The following DLC1 variants were observed in gnomAD, a reference collection of about 807,000 sequenced individuals.
The protein encoded by DLC1 is rho GTPase-activating protein 7.
DLC1 carries 54 observed loss-of-function variants against 140.3 expected under a neutral mutation model. The observed-to-expected ratio is 0.38, with a 90% CI of 0.31 to 0.48. The LOEUF is 0.48. Among genes scored for constraint, DLC1 ranks in the 20% least tolerant of loss-of-function variants. The pLI is 0.96. For synonymous variants in DLC1, 986 were observed against 728.1 expected, an observed-to-expected ratio of 1.35 and a Z score of -5.70; for missense variants, 2,536 against 1,907.0, an observed-to-expected ratio of 1.33 and a Z score of -6.14.
chr8:13,405,911 CTTTTCT>C (rs1412806096), intron 2 of DLC1, among the ~76,000 whole-genome samples: 5 of 69,624 alleles, frequency 7.2e-5, no homozygotes, highest in African/African-American at 2.2e-4. Context: ...TTCTTTCTTT[CTTTTCT>C]TTTCTTTCTT....
intron 5 of DLC1, among the ~76,000 whole-genome samples, chr8:13,287,352 T>G (rs1443792531): frequency 2.0e-5 from 3 of 152,218 alleles, no homozygotes; most frequent in African/African-American, 7.2e-5. Flanking sequence ...TAAAAAAATC[T>G]TTGGCTTCTA....
intron 5 of DLC1, among the ~76,000 whole-genome samples, chr8:13,170,128 A>G (rs1362917871): frequency 1.3e-5 from 2 of 152,242 alleles, no homozygotes; most frequent in Non-Finnish European, 2.9e-5. Flanking sequence ...TTTATTTAGC[A>G]TATAATTTTT....
chr8:13,235,977 G>C (rs897923312), intron 5 of DLC1, among the ~76,000 whole-genome samples: 1 of 60,360 alleles, frequency 1.7e-5, no homozygotes, highest in Non-Finnish European at 3.4e-5. Context: ...AGAAGGCAAA[G>C]TGAAATTTAA....
intron 1 of DLC1, among the ~76,000 whole-genome samples, chr8:13,502,887 A>G (rs1801884609): frequency 6.6e-6 from 1 of 152,176 alleles, no homozygotes; most frequent in Non-Finnish European, 1.5e-5. Flanking sequence ...GTGAATTTCC[A>G]TGGGGATTTT....
chr8:13,392,767 T>G (rs1836820802), intron 4 of DLC1, among the ~76,000 whole-genome samples: 1 of 152,180 alleles, frequency 6.6e-6, no homozygotes, highest in Non-Finnish European at 1.5e-5. Context: ...ATTCACAATC[T>G]ACACATGAAG....
At chr8:13,181,699 G>A (rs1368481743) in intron 5 of DLC1, among the ~76,000 whole-genome samples, 1 of 151,846 alleles carries the variant, frequency 6.6e-6, no homozygotes, top group Non-Finnish European at 1.5e-5. Context: ...GTATTCCATG[G>A]TATATATGTG....
At chr8:13,196,705 G>A (rs1827080523) in intron 5 of DLC1, among the ~76,000 whole-genome samples, 1 of 152,066 alleles carries the variant, frequency 6.6e-6, no homozygotes, top group Admixed American at 6.5e-5. Flanking sequence ...TATCCTTCGG[G>A]GCTAAGAGAA....
At chr8:13,288,982 G>C (rs11986619) in intron 5 of DLC1, among the ~76,000 whole-genome samples, 3 of 152,008 alleles carry the variant, frequency 2.0e-5, no homozygotes, top group Admixed American at 6.6e-5. Flanking sequence ...TGTTACTTGG[G>C]CCATTTTTAG....
chr8:13,284,771 A>G (rs1459514253), intron 5 of DLC1, among the ~76,000 whole-genome samples: 1 of 152,128 alleles, frequency 6.6e-6, no homozygotes, highest in Non-Finnish European at 1.5e-5. Flanking sequence ...TAAAACAAGA[A>G]AATACCATGC....
chr8:13,152,008 C>T (rs1194007213), intron 5 of DLC1, among the ~76,000 whole-genome samples: 1 of 152,116 alleles, frequency 6.6e-6, no homozygotes, highest in Non-Finnish European at 1.5e-5. Flanking sequence ...CTATCTATTG[C>T]TGTGTCATAT....
chr8:13,413,860 C>G (rs546676095), intron 2 of DLC1, among the ~76,000 whole-genome samples: 1 of 152,240 alleles, frequency 6.6e-6, no homozygotes, highest in South Asian at 2.1e-4. Context: ...ATTACGCAGT[C>G]TCAAGTAGTA....
intron 2 of DLC1, among the ~76,000 whole-genome samples, chr8:13,487,887 T>C (rs949853247): frequency 6.6e-6 from 1 of 152,170 alleles, no homozygotes; most frequent in Non-Finnish European, 1.5e-5. Context: ...TCTCTTGTTT[T>C]ACACTTAAAG....
chr8:13,568,256 G>A (rs772623411), intron 1 of DLC1: 1 of 246,484 alleles, frequency 4.1e-6, no homozygotes, highest in South Asian at 1.0e-4. Context: ...ATGGCTATGG[G>A]GAATTAATAA....
At chr8:13,088,765 C>G (rs1020371334) in intron 15 of DLC1, 61 bp from the exon 16 acceptor site, 1 of 1,501,406 alleles carries the variant, frequency 6.7e-7, no homozygotes, top group Non-Finnish European at 9.1e-7. Flanking sequence ...TTTTTGAAGT[C>G]GAATTGTTAG....
At chr8:13,443,612 C>T (rs576982482) in intron 2 of DLC1, among the ~76,000 whole-genome samples, 51 of 146,628 alleles carry the variant, frequency 3.5e-4, no homozygotes, top group Non-Finnish European at 5.9e-4. Context: ...GAGCCAAGAT[C>T]GCGCCACTGC....
intron 4 of DLC1, among the ~76,000 whole-genome samples, chr8:13,350,753 C>T (rs1193629903): frequency 6.6e-6 from 1 of 151,708 alleles, no homozygotes; most frequent in Non-Finnish European, 1.5e-5. Flanking sequence ...AGAGAAACAC[C>T]AGAAGGTTTG....
intron 2 of DLC1, among the ~76,000 whole-genome samples, chr8:13,420,486 A>T (rs1374453109): frequency 6.6e-6 from 1 of 152,026 alleles, no homozygotes; most frequent in Non-Finnish European, 1.5e-5. Context: ...GGTTTGCTGC[A>T]CCTATCAACC....
At chr8:13,581,371 G>A (rs145822304) in intron 1 of DLC1, among the ~76,000 whole-genome samples, 7 of 152,118 alleles carry the variant, frequency 4.6e-5, no homozygotes, top group African/African-American at 1.7e-4. Context: ...AACTCTTGCT[G>A]TTCCCCCAGT....
At chr8:13,415,219 A>C (rs1837995720) in intron 2 of DLC1, among the ~76,000 whole-genome samples, 1 of 152,168 alleles carries the variant, frequency 6.6e-6, no homozygotes, top group Non-Finnish European at 1.5e-5. Context: ...GTGATTTACT[A>C]GTATTTAAAT....
Sources: gnomAD v4.1 joint callset for allele counts (sites outside exome capture counted in the v4.1 genomes callset) on GRCh38, gnomAD v4.1.1 for gene constraint, MANE v1.5 for transcripts, NCBI Gene and HGNC (gene_info 2026-07-23, HGNC 2026-07-21) for gene names.